ACAP2: variants seen among roughly 807,000 people sequenced by gnomAD.
ACAP2 encodes the protein ArfGAP with coiled-coil, ankyrin repeat and PH domains 2.
In ACAP2, 39 loss-of-function variants were observed where a neutral mutation model predicts 115.8. That is an observed-to-expected ratio of 0.34 (90% CI 0.26 to 0.44). The LOEUF is 0.44. ACAP2 is among the 20% of genes least tolerant of loss of function. The pLI is 1.00. For synonymous variants in ACAP2, 289 were observed against 315.8 expected (o/e 0.92, Z 0.90); for missense variants, 662 against 927.6 (o/e 0.71, Z 3.72).
At chr3:195,324,698 G>A (rs931179861) in intron 9 of ACAP2, among the ~76,000 whole-genome samples, 2 of 152,040 alleles carry the variant, frequency 1.3e-5, no homozygotes, top group African/African-American at 2.4e-5. Flanking sequence ...AGGTTGTAGT[G>A]AGCAGAGATC....
At chr3:195,296,013 CTG>C in intron 16 of ACAP2, 121 bp from the exon 17 acceptor site, 1 of 735,366 alleles carries the variant, frequency 1.4e-6, no homozygotes, top group Non-Finnish European at 2.2e-6. Context: ...CTGGTTAAAA[CTG>C]AATCTGTGAC....
chr3:195,415,699 A>G (rs549152546), intron 1 of ACAP2, among the ~76,000 whole-genome samples: 41 of 152,348 alleles, frequency 2.7e-4, no homozygotes, highest in African/African-American at 9.9e-4. Flanking sequence ...ATTTTCAGAT[A>G]TATGACTTTA....
intron 12 of ACAP2, 92 bp downstream of exon 12, chr3:195,307,129 TAC>T: frequency 1.0e-6 from 1 of 960,990 alleles, no homozygotes; most frequent in Non-Finnish European, 1.6e-6. Context: ...TTAGCACAGA[TAC>T]AGACAAATGC....
At chr3:195,416,018 G>C (rs1407089129) in intron 1 of ACAP2, among the ~76,000 whole-genome samples, 4 of 152,118 alleles carry the variant, frequency 2.6e-5, no homozygotes, top group Non-Finnish European at 2.9e-5. Flanking sequence ...GCAACTTATA[G>C]AAGAGGAAAT....
At chr3:195,334,720 A>T (rs1195030394) in intron 7 of ACAP2, among the ~76,000 whole-genome samples, 2 of 152,172 alleles carry the variant, frequency 1.3e-5, no homozygotes, top group Non-Finnish European at 2.9e-5. Context: ...GTGTTGGTAA[A>T]ATGTGGAGAA....
chr3:195,377,163 G>GTTTTTTTTTTTTTTTTTTTTT (rs1412992193), intron 4 of ACAP2, among the ~76,000 whole-genome samples: 1 of 37,306 alleles, frequency 2.7e-5, no homozygotes, highest in African/African-American at 1.4e-4. Flanking sequence ...TTTTTTTTTG[G>GTTTTTTTTTTTTTTTTTTTTT]AAACAAGGTC....
At chr3:195,320,372 TAAC>T (rs1404720704) in intron 10 of ACAP2, among the ~76,000 whole-genome samples, 1 of 152,216 alleles carries the variant, frequency 6.6e-6, no homozygotes, top group Non-Finnish European at 1.5e-5. Flanking sequence ...ATCTATTTTA[TAAC>T]AAATATAGGA....
At chr3:195,288,432 T>G (rs1394534725) in intron 21 of ACAP2, among the ~76,000 whole-genome samples, 1 of 152,176 alleles carries the variant, frequency 6.6e-6, no homozygotes, top group African/African-American at 2.4e-5. Context: ...GTTCACACAA[T>G]GCACAATGCT....
intron 1 of ACAP2, among the ~76,000 whole-genome samples, chr3:195,433,692 A>G (rs1432966816): frequency 2.0e-5 from 3 of 152,186 alleles, no homozygotes; most frequent in African/African-American, 4.8e-5. Flanking sequence ...TTCTGCATCT[A>G]TTGAGATGAT....
At chr3:195,376,942 G>C (rs981077268) in intron 4 of ACAP2, among the ~76,000 whole-genome samples, 9 of 152,068 alleles carry the variant, frequency 5.9e-5, no homozygotes, top group African/African-American at 2.2e-4. Context: ...TTTATATTGG[G>C]ATGCTATGTA....
chr3:195,355,281 C>CTTTT (rs11345721), intron 4 of ACAP2, among the ~76,000 whole-genome samples: 57 of 126,838 alleles, frequency 4.5e-4, no homozygotes, highest in African/African-American at 8.1e-4. Context: ...TCTTTTTCTT[C>CTTTT]TTTTTTTTTT....
At chr3:195,392,243 C>G in intron 1 of ACAP2, 96 bp from the exon 2 acceptor site, 2 of 971,000 alleles carry the variant, frequency 2.1e-6, no homozygotes, top group Non-Finnish European at 3.1e-6. Flanking sequence ...GATATGAATG[C>G]TTAAAAATTA....
intron 16 of ACAP2, among the ~76,000 whole-genome samples, chr3:195,296,203 T>A (rs1243803531): frequency 6.6e-6 from 1 of 151,326 alleles, no homozygotes. Flanking sequence ...TTTTGCAGAG[T>A]AGAAAACATC....
At chr3:195,436,580 T>C (rs543503264) in intron 1 of ACAP2, among the ~76,000 whole-genome samples, 1 of 152,318 alleles carries the variant, frequency 6.6e-6, no homozygotes, top group African/African-American at 2.4e-5. Context: ...CTAAAGTATG[T>C]CTCTTCCTAA....
intron 6 of ACAP2, 103 bp downstream of exon 6, chr3:195,342,368 G>A (rs1730934770): frequency 8.6e-7 from 1 of 1,165,290 alleles, no homozygotes; most frequent in East Asian, 2.7e-5. Context: ...TTAACTTTAA[G>A]TTCAGAGTAA....
intron 1 of ACAP2, among the ~76,000 whole-genome samples, chr3:195,415,801 T>C (rs1462759818): frequency 6.6e-6 from 1 of 152,128 alleles, no homozygotes; most frequent in Non-Finnish European, 1.5e-5. Context: ...ATGATAAATG[T>C]ATTTTTATGA....
intron 19 of ACAP2, 43 bp from the exon 20 acceptor site, chr3:195,291,858 C>T (rs1727280583): frequency 6.7e-7 from 1 of 1,492,490 alleles, no homozygotes; most frequent in East Asian, 2.3e-5. Context: ...AAGCAAATAA[C>T]AAGAAACAAC....
chr3:195,294,868 T>TC, intron 17 of ACAP2, 57 bp from the exon 18 acceptor site: 1 of 1,146,780 alleles, frequency 8.7e-7, no homozygotes, highest in Non-Finnish European at 1.3e-6. Flanking sequence ...GAAAACAATC[T>TC]CCCACAAACA....
At chr3:195,437,176 A>T (rs1715608291) in intron 1 of ACAP2, among the ~76,000 whole-genome samples, 1 of 151,946 alleles carries the variant, frequency 6.6e-6, no homozygotes, top group Non-Finnish European at 1.5e-5. Flanking sequence ...CCTCCTGAGT[A>T]GCTGGGACTA....
Sources: gnomAD v4.1 joint callset for allele counts (sites outside exome capture counted in the v4.1 genomes callset) on GRCh38, gnomAD v4.1.1 for gene constraint, MANE v1.5 for transcripts, NCBI Gene and HGNC (gene_info 2026-07-23, HGNC 2026-07-21) for gene names.